The following TAF3 variants were observed in gnomAD, a reference collection of about 807,000 sequenced individuals.
TAF3 encodes the protein TATA-box binding protein associated factor 3.
In TAF3, 7 loss-of-function variants were observed where a neutral mutation model predicts 80.6. That is an observed-to-expected ratio of 0.09 (90% confidence interval 0.05 to 0.16). The LOEUF (loss-of-function observed/expected upper bound fraction) is 0.16. Among genes scored for constraint, TAF3 ranks in the 10% least tolerant of loss-of-function variants. The pLI is 1.00. For synonymous variants in TAF3, 444 were observed against 446.1 expected (o/e 1.00, Z 0.06); for missense variants, 921 against 1,140.2 (o/e 0.81, Z 2.77).
intron 2 of TAF3, among the ~76,000 whole-genome samples, chr10:7,862,718 A>G (rs1391168205): frequency 1.3e-5 from 2 of 152,088 alleles, no homozygotes; most frequent in African/African-American, 4.8e-5. Context: ...CCACTGACCT[A>G]TTTACTGTCA....
intron 2 of TAF3, among the ~76,000 whole-genome samples, chr10:7,852,668 T>G (rs1837040016): frequency 6.6e-6 from 1 of 152,218 alleles, no homozygotes; most frequent in Non-Finnish European, 1.5e-5. Context: ...AATATCAACA[T>G]AATATCATTT....
At chr10:7,878,755 G>A (rs577231858) in intron 2 of TAF3, among the ~76,000 whole-genome samples, 79 of 151,806 alleles carry the variant, frequency 5.2e-4, no homozygotes, top group African/African-American at 1.8e-3. Flanking sequence ...ATGAGACAGA[G>A]TCTTGCTCTG....
intron 2 of TAF3, among the ~76,000 whole-genome samples, chr10:7,960,282 C>T (rs575241477): frequency 1.6e-4 from 24 of 152,258 alleles, no homozygotes; most frequent in African/African-American, 5.1e-4. Flanking sequence ...ATCTGAAGTC[C>T]GCCTTGTCAT....
intron 2 of TAF3, among the ~76,000 whole-genome samples, chr10:7,841,586 A>G (rs1236656593): frequency 6.6e-6 from 1 of 152,198 alleles, no homozygotes; most frequent in Non-Finnish European, 1.5e-5. Context: ...ACTGAGAAGG[A>G]TGGACTCAAG....
At chr10:7,925,747 C>T (rs1464088809) in intron 2 of TAF3, among the ~76,000 whole-genome samples, 2 of 136,702 alleles carry the variant, frequency 1.5e-5, no homozygotes, top group African/African-American at 2.7e-5. Context: ...TGCAGTGAGC[C>T]GAGATTGTGC....
chr10:7,895,565 A>G (rs1837496711), intron 2 of TAF3, among the ~76,000 whole-genome samples: 1 of 152,216 alleles, frequency 6.6e-6, no homozygotes, highest in South Asian at 2.1e-4. Flanking sequence ...ACTTTTGGTC[A>G]TAAGTATAAG....
At position 7,965,424 on chromosome 10, in the gene TAF3, GAAAGAT is replaced by G. The variant is rs779207198; in HGVS notation, c.1919_1924del (p.Asp640_Lys641del). On this transcript the variant is annotated inframe_deletion, in exon 3 of 7. Transcript: ENST00000344293. ...AAGATAAGAGAGAGAAAGAAAAAGT[GAAAGAT>G]AAAGGCAGAGAAGATAAGATGAAAG... 6.2e-7 allele frequency: 1 copy of G among 1,613,508 alleles called. No homozygotes were observed. Among genetic ancestry groups the G allele is most frequent in the South Asian group, 1.1e-5 (1 of 90,892 alleles).
At chr10:7,988,752 G>GAAAAAAAAAAAAAAAA (rs56395044) in intron 4 of TAF3, among the ~76,000 whole-genome samples, 4 of 92,830 alleles carry the variant, frequency 4.3e-5, no homozygotes, top group Non-Finnish European at 5.9e-5. Flanking sequence ...CTGTCTCTCA[G>GAAAAAAAAAAAAAAAA]AAAAAAAAAA....
chr10:7,988,884 T>C (rs1208711735), intron 4 of TAF3, among the ~76,000 whole-genome samples: 2 of 152,146 alleles, frequency 1.3e-5, no homozygotes, highest in Non-Finnish European at 2.9e-5. Flanking sequence ...TGTAAAATGG[T>C]ACATTGTTTG....
chr10:7,827,641 G>A (rs961993998), intron 2 of TAF3, among the ~76,000 whole-genome samples: 15 of 152,042 alleles, frequency 9.9e-5, no homozygotes, highest in African/African-American at 2.7e-4. Flanking sequence ...TTAGCTGGGC[G>A]TGGTGGCGGG....
At chr10:7,959,374 A>G (rs1007192323) in intron 2 of TAF3, among the ~76,000 whole-genome samples, 1 of 152,242 alleles carries the variant, frequency 6.6e-6, no homozygotes, top group Non-Finnish European at 1.5e-5. Flanking sequence ...ACTTGAAGTG[A>G]TTTAGTTTTA....
intron 1 of TAF3, among the ~76,000 whole-genome samples, chr10:7,823,768 G>C (rs1375721821): frequency 6.6e-6 from 1 of 151,862 alleles, no homozygotes; most frequent in Non-Finnish European, 1.5e-5. Context: ...CTGAGTAGCT[G>C]GGATTACAGG....
At chr10:7,984,189 T>C (rs2131423998) in intron 4 of TAF3, among the ~76,000 whole-genome samples, 1 of 152,310 alleles carries the variant, frequency 6.6e-6, no homozygotes, top group East Asian at 1.9e-4. Flanking sequence ...TACTGTCTTA[T>C]TTTTACCACC....
intron 2 of TAF3, among the ~76,000 whole-genome samples, chr10:7,948,065 A>C (rs1838043283): frequency 7.0e-6 from 1 of 143,182 alleles, no homozygotes; most frequent in South Asian, 2.2e-4. Flanking sequence ...TATGACTCTG[A>C]TTTTTTTTTT....
intron 4 of TAF3, 136 bp downstream of exon 4, chr10:7,977,459 C>A: frequency 2.9e-6 from 2 of 684,140 alleles, no homozygotes. Context: ...TAGAACTCTT[C>A]GTTTTCAAGT....
chr10:7,883,139 G>A (rs575400128), intron 2 of TAF3, among the ~76,000 whole-genome samples: 7 of 152,270 alleles, frequency 4.6e-5, no homozygotes, highest in African/African-American at 9.6e-5. Context: ...GATACCCTCC[G>A]TAGCAAAAGG....
chr10:7,975,287 G>A (rs985180191), intron 3 of TAF3, among the ~76,000 whole-genome samples: 1 of 152,148 alleles, frequency 6.6e-6, no homozygotes, highest in Admixed American at 6.5e-5. Flanking sequence ...GGAGTTAGAT[G>A]TGTAGAAGGG....
At chr10:7,926,050 A>G (rs1474648265) in intron 2 of TAF3, among the ~76,000 whole-genome samples, 1 of 152,166 alleles carries the variant, frequency 6.6e-6, no homozygotes, top group Non-Finnish European at 1.5e-5. Context: ...TTTTATAATT[A>G]TGTACAAAGT....
intron 2 of TAF3, among the ~76,000 whole-genome samples, chr10:7,889,706 C>T (rs916661931): frequency 6.6e-6 from 1 of 152,192 alleles, no homozygotes. Flanking sequence ...CTTCCATTGG[C>T]CTGGTCCTGT....
Sources: gnomAD v4.1 joint callset for allele counts (sites outside exome capture counted in the v4.1 genomes callset) on GRCh38, gnomAD v4.1.1 for gene constraint, MANE v1.5 for transcripts, NCBI Gene and HGNC (gene_info 2026-07-23, HGNC 2026-07-21) for gene names.